The following MROH7 variants were observed in gnomAD, a reference collection of about 807,000 sequenced individuals.
MROH7 encodes the protein maestro heat-like repeat-containing protein family member 7.
In MROH7, 113 loss-of-function variants were observed where a neutral mutation model predicts 129.2. That is an observed-to-expected ratio of 0.87 (90% CI 0.75 to 1.02). The LOEUF is 1.02. MROH7 is among the 50% of genes least tolerant of loss of function. The pLI, the probability that MROH7 is intolerant of heterozygous loss-of-function variation, is 0.00. For missense variants in MROH7, 1,601 were observed against 1,671.3 expected (o/e 0.96, Z 0.73); for synonymous variants, 655 against 667.9 (o/e 0.98, Z 0.30).
At chr1:54,699,898 A>G in intron 17 of MROH7, 1 of 563,188 alleles carries the variant, frequency 1.8e-6, no homozygotes, top group Non-Finnish European at 3.1e-6. Flanking sequence ...GAGCCCTGCG[A>G]GGTGGCAGGG....
chr1:54,676,621 CT>C (rs1462360924), intron 10 of MROH7, among the ~76,000 whole-genome samples: 3 of 152,086 alleles, frequency 2.0e-5, no homozygotes, highest in African/African-American at 7.2e-5. Context: ...TCTCGGACTC[CT>C]GATCTCAAGT....
chr1:54,642,722 C>T (rs1469410863), intron 1 of MROH7, among the ~76,000 whole-genome samples: 1 of 152,012 alleles, frequency 6.6e-6, no homozygotes, highest in Non-Finnish European at 1.5e-5. Flanking sequence ...CTCCAGTGAC[C>T]CTCCCACCTC....
chr1:54,700,082 A>T (rs535055937), intron 17 of MROH7: 3 of 690,662 alleles, frequency 4.3e-6, no homozygotes, highest in South Asian at 3.3e-5. Flanking sequence ...ACAGGATCTC[A>T]TGGGAAAGGC....
chr1:54,696,722 A>G (rs1265713627), intron 17 of MROH7, among the ~76,000 whole-genome samples: 1 of 112,534 alleles, frequency 8.9e-6, no homozygotes, highest in Non-Finnish European at 1.6e-5. Context: ...CCCAGGTTGG[A>G]GTGCAGTGGC....
intron 5 of MROH7, among the ~76,000 whole-genome samples, chr1:54,669,790 AG>A (rs1644866391): frequency 6.6e-6 from 1 of 152,076 alleles, no homozygotes; most frequent in Non-Finnish European, 1.5e-5. Flanking sequence ...CCTTGAGGTC[AG>A]GAGTTCGAGA....
chr1:54,670,579 G>A lies in MROH7; in HGVS notation c.1469+3G>A, dbSNP rs899466331. The A allele has an allele frequency of 1.9e-6, 3 of 1,610,954 alleles. No individual in the cohort carries two copies. The highest frequency in any genetic ancestry group is 2.5e-6 in the Non-Finnish European group (3 of 1,178,560). ...ATGGAGATCCTGACCCAGCTGAGGT[G>A]TCCATGGCCCTCTCCCTGTTCCCAC... On this transcript the variant is annotated splice_donor_region_variant and intron_variant, in intron 6 of 23. Coordinates refer to ENST00000421030, the MANE Select transcript of MROH7 (RefSeq NM_001039464.4).
rs780992924 is a variant in MROH7, at chr1:54,695,469, G to A, written c.2943G>A (p.Thr981=). 2.8e-5 allele frequency: 45 copies of A among 1,613,550 alleles called. No homozygotes were observed. In the East Asian group the frequency reaches 6.2e-4, roughly 22 times the overall value. The change falls in exon 17 of 24, where the codon ACG becomes ACA. Residue 981 remains threonine (T), a synonymous_variant. Transcript: ENST00000421030. The part of the protein sequence containing the change: ...LERGDEKHRI[T]ATAFFVELLQ... ...GAGGCGACGAGAAGCACAGGATCAC[G>A]GCCACCGCCTTCTTCGTGGAGGTAC... is the stretch of plus-strand genomic sequence containing the variant.
intron 14 of MROH7, among the ~76,000 whole-genome samples, chr1:54,683,381 G>A (rs1645100315): frequency 6.6e-6 from 1 of 152,178 alleles, no homozygotes; most frequent in Non-Finnish European, 1.5e-5. Context: ...GGAACACAGA[G>A]CGAAAGGCAG....
At chr1:54,699,098 C>CTTTTT (rs1398016916) in intron 17 of MROH7, 416 of 40,766 alleles carry the variant, frequency 0.01, 12 homozygotes, top group African/African-American at 0.03. Flanking sequence ...CTGGCCTTTT[C>CTTTTT]TTTCTTTCTT....
chr1:54,701,030 G>A, intron 18 of MROH7, 113 bp from the exon 19 acceptor site: 1 of 1,175,470 alleles, frequency 8.5e-7, no homozygotes. Flanking sequence ...ATAGGCCAAG[G>A]CCTGGAAGTG....
At chr1:54,672,326 G>A (rs1392203769) in intron 7 of MROH7, among the ~76,000 whole-genome samples, 1 of 152,076 alleles carries the variant, frequency 6.6e-6, no homozygotes, top group Non-Finnish European at 1.5e-5. Context: ...CAGGGTGTGT[G>A]CAGACTCAGG....
intron 17 of MROH7, chr1:54,697,289 A>G (rs1645339071): frequency 4.9e-6 from 1 of 204,790 alleles, no homozygotes. Flanking sequence ...CATCCTAGGT[A>G]CTTTTGTCAT....
intron 21 of MROH7, among the ~76,000 whole-genome samples, chr1:54,705,129 C>T (rs1443403271): frequency 6.6e-6 from 1 of 152,178 alleles, no homozygotes; most frequent in Non-Finnish European, 1.5e-5. Context: ...CTGTGCTTGT[C>T]ATTGCTCTGC....
At chr1:54,693,154 A>C (rs1286446572) in intron 16 of MROH7, among the ~76,000 whole-genome samples, 1 of 152,198 alleles carries the variant, frequency 6.6e-6, no homozygotes, top group African/African-American at 2.4e-5. Flanking sequence ...CCTGCCTTTT[A>C]GACACAGTTA....
intron 13 of MROH7, among the ~76,000 whole-genome samples, chr1:54,681,607 C>A (rs1410800944): frequency 6.6e-6 from 1 of 152,198 alleles, no homozygotes; most frequent in Non-Finnish European, 1.5e-5. Flanking sequence ...AGGGTTGAAA[C>A]CCTCTTGTAG....
chr1:54,694,070 C>T (rs1277716857), intron 16 of MROH7, among the ~76,000 whole-genome samples: 5 of 152,034 alleles, frequency 3.3e-5, no homozygotes, highest in Non-Finnish European at 4.4e-5. Context: ...TTAGTAGAGA[C>T]GGAGTTTCAC....
In MROH7 at chr1:54,678,883, G is replaced by C. The variant is rs775927262; in HGVS notation, c.2049+29G>C. On this transcript the variant is annotated intron_variant, in intron 11 of 23. Transcript: ENST00000421030. ...ACTGCCTGGTGCCCATCCAGGAGCG[G>C]AGGGTGGGGGGTGAGGAGGGGCAGT... 18 of 1,557,864 alleles carry C rather than the reference G, an allele frequency of 1.2e-5. No individual in the cohort carries two copies. In the East Asian group the frequency reaches 4.0e-4, roughly 35 times the overall value.
chr1:54,684,485 C>G (rs1433978553), intron 14 of MROH7, among the ~76,000 whole-genome samples: 1 of 152,254 alleles, frequency 6.6e-6, no homozygotes, highest in Non-Finnish European at 1.5e-5. Flanking sequence ...TTTAGTCACT[C>G]ATTTGTGCTT....
Position 54,702,761 on chromosome 1 carries a change from G to A in MROH7, c.3564+16G>A. On this transcript the variant is annotated intron_variant, in intron 21 of 23. Transcript: ENST00000421030. ...CAAGTGCCTTGTGAGTGCTCCCAGA[G>A]AGTAGAGTGGTTCCTTACAAGCATG... The A allele has an allele frequency of 6.2e-7, 1 of 1,603,930 alleles. No individual in the cohort carries two copies. The highest frequency in any genetic ancestry group is 1.1e-5 in the South Asian group (1 of 89,260).
Sources: gnomAD v4.1 joint callset for allele counts (sites outside exome capture counted in the v4.1 genomes callset) on GRCh38, gnomAD v4.1.1 for gene constraint, MANE v1.5 for transcripts, NCBI Gene and HGNC (gene_info 2026-07-23, HGNC 2026-07-21) for gene names.